Variants in NLRP4 observed in about 807,000 individuals in gnomAD.
NLRP4 encodes the protein NLR family pyrin domain containing 4.
In NLRP4, 44 loss-of-function variants were observed where a neutral mutation model predicts 84.7. The observed-to-expected ratio is 0.52, with a 90% CI of 0.41 to 0.67. NLRP4 has a LOEUF of 0.67. Among genes scored for constraint, NLRP4 ranks in the 30% least tolerant of loss-of-function variants. The probability of loss-of-function intolerance (pLI) is 0.00; values close to 1 mark genes in which losing one functional copy is unlikely to be tolerated. For synonymous variants in NLRP4, 544 were observed against 476.4 expected (o/e 1.14, Z -1.85); for missense variants, 1,260 against 1,219.4 (o/e 1.03, Z -0.50).
At chr19:55,846,848 G>C (rs897973130) in intron 1 of NLRP4, among the ~76,000 whole-genome samples, 3 of 152,160 alleles carry the variant, frequency 2.0e-5, no homozygotes, top group Non-Finnish European at 4.4e-5. Context: ...GCACGCAGGG[G>C]AGAAGCCATG....
At chr19:55,849,991 G>GTAGCCGCGGTGTAATTTCCAT (rs1228830001) in intron 1 of NLRP4, among the ~76,000 whole-genome samples, 12 of 24,126 alleles carry the variant, frequency 5.0e-4, no homozygotes, top group Non-Finnish European at 2.0e-3. Flanking sequence ...TGTAATTTCC[G>GTAGCCGCGGTGTAATTTCCAT]AGACTGCGGT....
intron 1 of NLRP4, among the ~76,000 whole-genome samples, chr19:55,839,305 T>TTGTGTGTGTGTGTGTGTG (rs1441022856): frequency 3.7e-4 from 46 of 123,670 alleles, no homozygotes; most frequent in African/African-American, 1.3e-3. Flanking sequence ...ATGCCTCAGT[T>TTGTGTGTGTGTGTGTGTG]TGAGTGTGTG....
At chr19:55,869,842 A>G (rs1985105511) in intron 6 of NLRP4, among the ~76,000 whole-genome samples, 1 of 152,006 alleles carries the variant, frequency 6.6e-6, no homozygotes, top group Non-Finnish European at 1.5e-5. Flanking sequence ...TATTCCCAAC[A>G]CTTTGGGACG....
chr19:55,860,857 T>C (rs1366505025), intron 3 of NLRP4, among the ~76,000 whole-genome samples: 1 of 152,108 alleles, frequency 6.6e-6, no homozygotes, highest in African/African-American at 2.4e-5. Flanking sequence ...ACGCACCTAT[T>C]ATCCCAGCTA....
intron 7 of NLRP4, 43 bp downstream of exon 7, chr19:55,871,040 A>G: frequency 1.9e-6 from 3 of 1,578,460 alleles, no homozygotes; most frequent in Non-Finnish European, 2.6e-6. Context: ...CCGTCTTTTC[A>G]AGGGCATGCA....
At position 55,851,997 on chromosome 19, in the gene NLRP4, T is replaced by C; in HGVS notation, c.-65-19T>C. ...CCATTTATTTGTAATAACTTGGCAC[T>C]GTCCTGAATTTTCTACAGGTTTTAT... On this transcript the variant is annotated intron_variant, in intron 1 of 9. Coordinates refer to ENST00000301295, the MANE Select transcript of NLRP4 (RefSeq NM_134444.5). 1.0e-6 allele frequency: 1 copy of C among 987,544 alleles called. No individual in the cohort carries two copies. The highest frequency in any genetic ancestry group is 1.5e-5 in the South Asian group (1 of 68,614). The allele number at this position is 987,544 out of a possible 1,614,324, so 61.2% of individuals were successfully genotyped here. A position where few individuals can be genotyped will look rare whatever the true frequency, so the allele number is the denominator to read the frequency against.
intron 7 of NLRP4, among the ~76,000 whole-genome samples, chr19:55,875,037 G>T (rs952436055): frequency 6.6e-6 from 1 of 152,120 alleles, no homozygotes; most frequent in Non-Finnish European, 1.5e-5. Context: ...CTAAAATGCA[G>T]AAAAGTTTGA....
intron 7 of NLRP4, among the ~76,000 whole-genome samples, chr19:55,873,298 A>G (rs1469129217): frequency 6.6e-6 from 1 of 152,186 alleles, no homozygotes; most frequent in Non-Finnish European, 1.5e-5. Context: ...TACAACAGCC[A>G]TAACAAAATA....
intron 1 of NLRP4, among the ~76,000 whole-genome samples, chr19:55,851,632 GAGGC>G (rs1984150403): frequency 3.5e-4 from 37 of 105,870 alleles, no homozygotes; most frequent in East Asian, 1.2e-3. Context: ...TGTAATGTCC[GAGGC>G]TGCGGTGTAA....
In NLRP4 at chr19:55,881,528, A is replaced by G; in HGVS notation, c.2926A>G (p.Arg976Gly). 1.2e-6 allele frequency: 2 copies of G among 1,611,442 alleles called. No individual in the cohort carries two copies. Among genetic ancestry groups the G allele is most frequent in the Non-Finnish European group, 8.5e-7 (1 of 1,177,580 alleles). ...GGCACTTCTGACGGCTGAGGAAGAG[A>G]GAAATCCTAACCTGACCATCACAGA... ...TQALLTAEEERNPNLTITDDC... is the reference protein window; with the variant it reads ...TQALLTAEEEGNPNLTITDDC... Residue 976 changes from arginine (R) to glycine (G), a missense_variant, in exon 10 of 10, where the codon AGA becomes GGA. This residue lies in a region of NLRP4 where 544 missense variants were observed against 531.7 expected (regional missense o/e 1.02). Transcript: ENST00000301295.
chr19:55,839,467 T>C (rs1274235903), intron 1 of NLRP4, among the ~76,000 whole-genome samples: 1 of 127,450 alleles, frequency 7.8e-6, no homozygotes, highest in Non-Finnish European at 1.6e-5. Flanking sequence ...AAGTCTTCTG[T>C]GGGGGAAGAG....
chr19:55,859,978 T>G (rs1355037551), intron 3 of NLRP4, among the ~76,000 whole-genome samples: 1 of 144,706 alleles, frequency 6.9e-6, no homozygotes, highest in Non-Finnish European at 1.5e-5. Flanking sequence ...ACAAATTTTC[T>G]TCTTGTTCTT....
At chr19:55,844,744 T>C (rs441687) in intron 1 of NLRP4, among the ~76,000 whole-genome samples, 29,335 of 152,130 alleles carry the variant, frequency 0.19, 3,210 homozygotes, top group African/African-American at 0.29. Flanking sequence ...GTGTAACTCA[T>C]TGTATCTACG....
intron 1 of NLRP4, among the ~76,000 whole-genome samples, chr19:55,840,455 C>T (rs1254226045): frequency 6.6e-6 from 1 of 152,098 alleles, no homozygotes; most frequent in African/African-American, 2.4e-5. Flanking sequence ...GCCATCTCAG[C>T]TCACTGCAAG....
chr19:55,870,428 C>T (rs1002844064), intron 6 of NLRP4, among the ~76,000 whole-genome samples: 15 of 152,276 alleles, frequency 9.9e-5, no homozygotes, highest in South Asian at 2.1e-4. Flanking sequence ...TTTGGGAGGC[C>T]GAGGTGGGCA....
Position 55,858,249 on chromosome 19 carries a change from G to A in NLRP4, c.856G>A (p.Glu286Lys), listed in dbSNP as rs267605697. The stretch of plus-strand genomic sequence containing the variant: ...CGCTATCAAACCCGTGTGCCCGAAG[G>A]AGCTCCGGGATCAGGTGACGATCTC... ...LIAIKPVCPK[E>K]LRDQVTISEI... is the part of the protein sequence containing the mutation. The change falls in exon 3 of 10, where the codon GAG (glutamate) becomes AAG (lysine). Residue 286 changes from glutamate (E) to lysine (K), a missense_variant. Around this residue, in one of 3 missense-constraint regions of NLRP4, gnomAD observed 712 missense variants for 669.2 expected, o/e 1.06. Coordinates refer to ENST00000301295, the MANE Select transcript of NLRP4 (RefSeq NM_134444.5). This position sits in a 1 kb window ranked among gnomAD's most constrained non-coding sequence, Gnocchi z 4.2. The A allele has an allele frequency of 1.9e-6, 3 of 1,614,038 alleles. No individual in the cohort carries two copies. Among genetic ancestry groups the A allele is most frequent in the Non-Finnish European group, 2.5e-6 (3 of 1,180,036 alleles).
rs771203479 is a variant in NLRP4, at chr19:55,878,927, G to T, written c.2830G>T (p.Ala944Ser). Residue 944 changes from alanine to serine, a missense_variant, in exon 9 of 10, where the codon GCC (alanine) becomes TCC (serine). This residue lies in a region of NLRP4 where 544 missense variants were observed against 531.7 expected (regional missense o/e 1.02). Transcript: ENST00000301295. ...DHTGVVVLCE[A>S]LRHPECALQV... ...CACAGGGGTGGTTGTACTCTGTGAGGCCCTGAGACACCCAGAGTGTGCCCT... is the reference window on the plus strand; with the variant it reads ...CACAGGGGTGGTTGTACTCTGTGAGTCCCTGAGACACCCAGAGTGTGCCCT... The T allele has an allele frequency of 6.2e-7, 1 of 1,613,820 alleles. No individual in the cohort carries two copies. Among genetic ancestry groups the T allele is most frequent in the Non-Finnish European group, 8.5e-7 (1 of 1,179,782 alleles).
intron 5 of NLRP4, among the ~76,000 whole-genome samples, chr19:55,867,299 G>A (rs1046049400): frequency 3.3e-5 from 5 of 150,576 alleles, no homozygotes; most frequent in African/African-American, 1.2e-4. Context: ...GAGACCGTAA[G>A]CCAAGTGTGC....
chr19:55,837,344 C>G (rs1437750983), intron 1 of NLRP4, among the ~76,000 whole-genome samples: 1 of 151,874 alleles, frequency 6.6e-6, no homozygotes, highest in Non-Finnish European at 1.5e-5. Flanking sequence ...TATATGTACC[C>G]CTGAACCTAA....
Sources: gnomAD v4.1 joint callset for allele counts (sites outside exome capture counted in the v4.1 genomes callset) on GRCh38, gnomAD v4.1.1 for gene constraint, gnomAD v4.1.1 regional missense constraint, Gnocchi (gnomAD v3.1) non-coding constraint, MANE v1.5 for transcripts, NCBI Gene and HGNC (gene_info 2026-07-23, HGNC 2026-07-21) for gene names.